KRIT1: variants seen among roughly 807,000 people sequenced by gnomAD.
KRIT1 encodes the protein krev interaction trapped protein 1.
KRIT1 carries 45 observed loss-of-function variants against 95.8 expected under a neutral mutation model. The observed-to-expected ratio is 0.47, with a 90% CI of 0.37 to 0.60. The LOEUF (loss-of-function observed/expected upper bound fraction) is 0.60. KRIT1 is among the 20% of genes least tolerant of loss of function. The probability of loss-of-function intolerance (pLI) is 0.00; values close to 1 mark genes in which losing one functional copy is unlikely to be tolerated. For missense variants in KRIT1, 788 were observed against 877.5 expected (o/e 0.90, Z 1.29); for synonymous variants, 282 against 278.8 (o/e 1.01, Z -0.11).
In KRIT1 at chr7:92,200,322, T is replaced by C. The variant is rs1232432566; in HGVS notation, c.*414A>G. ...TCTGTACAATGTAATAGTATACATA[T>C]ATATTACAAGAGACTATATGCCTTG... On this transcript the variant is annotated 3_prime_UTR_variant, in exon 19 of 19. Transcript: ENST00000394505. 4.0e-6 allele frequency: 1 copy of C among 247,724 alleles called. No homozygotes were observed. The highest frequency in any genetic ancestry group is 8.0e-6 in the Non-Finnish European group (1 of 125,620). 15.3% of individuals were successfully genotyped at this position (247,724 alleles called of 1,614,324 possible). A position where few individuals can be genotyped will look rare whatever the true frequency, so the allele number is the denominator to read the frequency against.
chr7:92,224,918 G>C (rs1230784047), intron 12 of KRIT1, among the ~76,000 whole-genome samples: 2 of 151,890 alleles, frequency 1.3e-5, no homozygotes, highest in Middle Eastern at 3.2e-3. Flanking sequence ...CCAGCACTTT[G>C]GGAGGCTGAG....
intron 17 of KRIT1, among the ~76,000 whole-genome samples, chr7:92,208,133 G>A (rs1267005588): frequency 1.3e-5 from 2 of 151,756 alleles, no homozygotes; most frequent in South Asian, 2.1e-4. Flanking sequence ...AAATTAAGAA[G>A]GAAATAAAAA....
chr7:92,212,916 G>A (rs1407292051), intron 17 of KRIT1, among the ~76,000 whole-genome samples: 1 of 152,118 alleles, frequency 6.6e-6, no homozygotes, highest in African/African-American at 2.4e-5. Flanking sequence ...ATTACATATT[G>A]TTCAGCACCT....
chr7:92,232,785 G>A (rs1382935144), intron 10 of KRIT1, among the ~76,000 whole-genome samples: 3 of 151,730 alleles, frequency 2.0e-5, no homozygotes, highest in Admixed American at 6.6e-5. Context: ...GCTCCGCCTC[G>A]CGGGTTCACA....
intron 17 of KRIT1, among the ~76,000 whole-genome samples, chr7:92,204,424 C>T (rs553385969): frequency 6.6e-6 from 1 of 152,006 alleles, no homozygotes. Flanking sequence ...TGGGATGATT[C>T]AAGCCCATTT....
chr7:92,200,552 C>T lies in KRIT1; in HGVS notation c.*184G>A. 5.1e-6 allele frequency: 3 copies of T among 589,568 alleles called. No individual in the cohort carries two copies. Among genetic ancestry groups the T allele is most frequent in the Middle Eastern group, 4.7e-4 (1 of 2,124 alleles). 36.5% of individuals were successfully genotyped at this position (589,568 alleles called of 1,614,324 possible). A position where few individuals can be genotyped will look rare whatever the true frequency, so the allele number is the denominator to read the frequency against. ...TATTTTTGTAGAGACAGGGTTTCAC[C>T]ATGTTGGCCAGGCTGGTCTTGAACT... On this transcript the variant is annotated 3_prime_UTR_variant, in exon 19 of 19. Coordinates refer to ENST00000394505, the MANE Select transcript of KRIT1 (RefSeq NM_194454.3).
At chr7:92,241,657 G>C (rs1409517128) in intron 4 of KRIT1, among the ~76,000 whole-genome samples, 1 of 152,030 alleles carries the variant, frequency 6.6e-6, no homozygotes, top group Non-Finnish European at 1.5e-5. Flanking sequence ...AGGCAAAAAA[G>C]TATTTTAAAA....
chr7:92,225,871 A>G (rs1219981866), intron 11 of KRIT1, 44 bp from the exon 12 acceptor site: 2 of 990,238 alleles, frequency 2.0e-6, no homozygotes, highest in South Asian at 2.6e-5. Flanking sequence ...ATTACATATT[A>G]TGGTATTCTA....
intron 3 of KRIT1, among the ~76,000 whole-genome samples, chr7:92,243,514 T>C (rs922789699): frequency 5.3e-5 from 8 of 151,804 alleles, no homozygotes; most frequent in South Asian, 2.1e-4. Context: ...ACTCTCAAGA[T>C]AGACCATTTT....
chr7:92,225,561 G>C (rs1367982309), intron 12 of KRIT1, among the ~76,000 whole-genome samples, 159 bp downstream of exon 12: 2 of 152,064 alleles, frequency 1.3e-5, no homozygotes, highest in African/African-American at 4.8e-5. Context: ...CCAAAGTTCT[G>C]GGATTACAGG....
At chr7:92,199,381 G>C (rs1201015713), downstream of KRIT1, 2 of 152,246 alleles carry the variant, frequency 1.3e-5, no homozygotes, top group African/African-American at 4.8e-5. Context: ...GCAAACTGTA[G>C]GACAACTTTA....
intron 7 of KRIT1, 42 bp downstream of exon 7, chr7:92,236,371 G>A (rs754406918): frequency 7.5e-7 from 1 of 1,339,676 alleles, no homozygotes; most frequent in East Asian, 2.3e-5. Context: ...CTATAAACAT[G>A]TATTTGATTA....
chr7:92,200,079 A>G lies in KRIT1; in HGVS notation c.*657T>C, dbSNP rs546196939. 4 of 152,738 alleles carry G rather than the reference A, an allele frequency of 2.6e-5. No individual in the cohort carries two copies. The highest frequency in any genetic ancestry group is 5.9e-5 in the Non-Finnish European group (4 of 68,122). The allele number at this position is 152,738 out of a possible 1,614,324, so 9.5% of individuals were successfully genotyped here. On this transcript the variant is annotated 3_prime_UTR_variant, in exon 19 of 19. Transcript: ENST00000394505. ...ACGTTCAGTATATTTTGAAATACAC[A>G]TGAAGTTATACCAAAGCTACATTTT...
At chr7:92,201,515 AAT>A in intron 17 of KRIT1, 92 bp from the exon 18 acceptor site, 1 of 765,192 alleles carries the variant, frequency 1.3e-6, no homozygotes, top group South Asian at 1.4e-5. Context: ...GTCTGCTCTA[AAT>A]ATAATAGTTC....
intron 17 of KRIT1, among the ~76,000 whole-genome samples, chr7:92,201,709 C>T (rs776135914): frequency 6.6e-6 from 1 of 152,188 alleles, no homozygotes; most frequent in African/African-American, 2.4e-5. Context: ...TGAGAGACCC[C>T]GGAGTGTGAT....
chr7:92,217,665 T>C (rs1454384823), intron 14 of KRIT1, among the ~76,000 whole-genome samples: 1 of 152,206 alleles, frequency 6.6e-6, no homozygotes, highest in Non-Finnish European at 1.5e-5. Context: ...TGTCCACTCA[T>C]CTGTTGATGG....
At chr7:92,218,209 G>T (rs969471613) in intron 14 of KRIT1, among the ~76,000 whole-genome samples, 1 of 151,548 alleles carries the variant, frequency 6.6e-6, no homozygotes, top group Admixed American at 6.6e-5. Context: ...GTGCCACCAC[G>T]CCAGGCTATT....
intron 17 of KRIT1, among the ~76,000 whole-genome samples, chr7:92,210,448 C>G (rs1792548494): frequency 3.9e-5 from 6 of 152,100 alleles, no homozygotes; most frequent in Admixed American, 3.9e-4. Context: ...ACACCCTGTT[C>G]AATAAATGGT....
In KRIT1 at chr7:92,222,826, G is replaced by T. The variant is rs777198966; in HGVS notation, c.1407C>A (p.Asn469Lys). The T allele has an allele frequency of 1.3e-6, 2 of 1,599,802 alleles. No individual in the cohort carries two copies. Among genetic ancestry groups the T allele is most frequent in the Non-Finnish European group, 1.7e-6 (2 of 1,167,432 alleles). ...QYFTIWICSE[N>K]LSLQLKPYHK... ...ACATAATAAAAACTTTCTTACTGAG[G>T]TTTTCTGAACAAATCCATATAGTGA... The change falls in exon 13 of 19, where the codon AAC becomes AAA. Residue 469 changes from asparagine to lysine, a missense_variant. Asn to Lys is a moderately conservative substitution (Grantham distance 94). Transcript: ENST00000394505.
Sources: allele counts gnomAD v4.1 joint callset (sites outside exome capture counted in the v4.1 genomes callset), GRCh38; gene constraint gnomAD v4.1.1; transcripts MANE v1.5; gene names NCBI Gene and HGNC (gene_info 2026-07-23, HGNC 2026-07-21).